Variants in TCP11L2 observed in about 807,000 individuals in gnomAD.
The protein encoded by TCP11L2 is t-complex 11 like 2.
TCP11L2 carries 39 observed loss-of-function variants against 50.7 expected under a neutral mutation model. The ratio of observed to expected loss-of-function variants is 0.77; its 90% confidence interval spans 0.60 to 1.01. The LOEUF (loss-of-function observed/expected upper bound fraction) is 1.01. Ranked by LOEUF, TCP11L2 falls within the 50% of genes least tolerant of loss-of-function variation. TCP11L2 has a pLI of 0.00. For missense variants in TCP11L2, 612 were observed against 614.7 expected (o/e 1.00, Z 0.05); for synonymous variants, 192 against 219.3 (o/e 0.88, Z 1.10).
chr12:106,306,571 A>G (rs1437712665), intron 1 of TCP11L2, among the ~76,000 whole-genome samples: 1 of 152,124 alleles, frequency 6.6e-6, no homozygotes, highest in Non-Finnish European at 1.5e-5. Context: ...AGGATCACCT[A>G]TTGCACTCAG....
Position 106,323,538 on chromosome 12 carries a change from C to A in TCP11L2, c.664C>A (p.Gln222Lys). ...AATATTCCATGTCCTGGACCTCATG[C>A]AAATGGACATGGCCAATTTTACAAT... ...RQIFHVLDLM[Q>K]MDMANFTIMS... The change falls in exon 6 of 10, where the codon CAA becomes AAA. Residue 222 changes from glutamine (Q) to lysine (K), a missense_variant. Physicochemically the swap from Gln to Lys is moderately conservative, Grantham distance 53. Coordinates refer to ENST00000299045, the MANE Select transcript of TCP11L2 (RefSeq NM_152772.3). 6.2e-7 allele frequency: 1 copy of A among 1,607,154 alleles called. No individual in the cohort carries two copies. Among genetic ancestry groups the A allele is most frequent in the South Asian group, 1.1e-5 (1 of 89,988 alleles).
chr12:106,329,540 G>A, intron 6 of TCP11L2: 1 of 1,440,186 alleles, frequency 6.9e-7, no homozygotes, highest in East Asian at 2.5e-5. Context: ...AAACACAGAG[G>A]CCTGAGCCCT....
Position 106,336,585 on chromosome 12 carries a change from G to A in TCP11L2, c.1142+372G>A, listed in dbSNP as rs984095860. 8.9e-5 allele frequency among the ~76,000 whole-genome samples: 11 copies of A among 123,472 alleles called. No homozygotes were observed. The East Asian group carries it at 1.2e-3, about 13-fold the overall frequency. 81.0% of individuals were successfully genotyped at this position (123,472 alleles called of 152,430 possible). ...TTTTTTTTTTTTGAGACAGAATCTC[G>A]CTCTGTCACCAGGCTGGAGTGCAGT... On this transcript the variant is annotated intron_variant, in intron 8 of 9. Transcript: ENST00000299045.
chr12:106,327,384 A>T (rs2035589239), intron 6 of TCP11L2, among the ~76,000 whole-genome samples: 1 of 151,946 alleles, frequency 6.6e-6, no homozygotes, highest in Non-Finnish European at 1.5e-5. Flanking sequence ...TTTTGTAGAG[A>T]CGGGGGTCTG....
chr12:106,335,373 G>A (rs766253850), intron 6 of TCP11L2, among the ~76,000 whole-genome samples: 3 of 152,298 alleles, frequency 2.0e-5, no homozygotes, highest in Non-Finnish European at 4.4e-5. Flanking sequence ...TGTGCCATAT[G>A]CTGTCTTTTC....
chr12:106,341,033 A>T (rs1212653834), intron 9 of TCP11L2, 35 bp downstream of exon 9: 2 of 1,568,016 alleles, frequency 1.3e-6, no homozygotes, highest in South Asian at 2.4e-5. Flanking sequence ...TTCAATTCCA[A>T]TTTGCTTTAA....
At position 106,311,046 on chromosome 12, in the gene TCP11L2, A is replaced by C. The variant is rs775402209; in HGVS notation, c.-30A>C. ...GGGTCTGTTTGTCTGTGCAGGTGCTACCTTTTTACCCACACTTAAGTGACG... is the reference window on the plus strand; with the variant it reads ...GGGTCTGTTTGTCTGTGCAGGTGCTCCCTTTTTACCCACACTTAAGTGACG... On this transcript the variant is annotated 5_prime_UTR_variant, in exon 2 of 10. Coordinates refer to ENST00000299045, the MANE Select transcript of TCP11L2 (RefSeq NM_152772.3). The C allele has an allele frequency of 6.2e-7, 1 of 1,611,524 alleles. No homozygotes were observed. Among genetic ancestry groups the C allele is most frequent in the Non-Finnish European group, 8.5e-7 (1 of 1,178,496 alleles).
At chr12:106,346,099 T>C (rs1235928517) in intron 9 of TCP11L2, among the ~76,000 whole-genome samples, 187 bp from the exon 10 acceptor site, 1 of 152,072 alleles carries the variant, frequency 6.6e-6, no homozygotes, top group African/African-American at 2.4e-5. Context: ...ATGGAAAGGA[T>C]GGGAAAAACA....
rs3782704 is a variant in TCP11L2, at chr12:106,346,719, A to G, written c.*189A>G. 41 of 587,708 alleles carry G rather than the reference A, an allele frequency of 7.0e-5. No homozygotes were observed. The East Asian group carries it at 1.0e-3, about 15-fold the overall frequency. The allele number at this position is 587,708 out of a possible 1,614,324, so 36.4% of individuals were successfully genotyped here. ...ACATAGACCCTCAGAAGACGTAAAC[A>G]TCACATAGACCCTATTTGTGCATCA... On this transcript the variant is annotated 3_prime_UTR_variant, in exon 10 of 10. Coordinates refer to ENST00000299045, the MANE Select transcript of TCP11L2 (RefSeq NM_152772.3).
At position 106,314,535 on chromosome 12, in the gene TCP11L2, CTG is replaced by C. The variant is rs55918458; in HGVS notation, c.293+83_293+84del. The C allele has an allele frequency of 9.0e-3, 6,357 of 705,504 alleles. 45 individuals are homozygous for C. Among genetic ancestry groups the C allele is most frequent in the East Asian group, 0.047 (999 of 21,466 alleles). 43.7% of individuals were successfully genotyped at this position (705,504 alleles called of 1,614,324 possible). On this transcript the variant is annotated intron_variant, in intron 3 of 9. Transcript: ENST00000299045. ...TGTTGTATATAAACTGCTGAAGATT[CTG>C]TGTGTGTGTGTGTGTGTGTGTGTGT...
At chr12:106,335,094 A>G (rs1291852212) in intron 6 of TCP11L2, among the ~76,000 whole-genome samples, 1 of 152,212 alleles carries the variant, frequency 6.6e-6, no homozygotes, top group Non-Finnish European at 1.5e-5. Context: ...TGGGAAAGGC[A>G]TATCTCCAAT....
chr12:106,310,763 A>T lies in TCP11L2; in HGVS notation c.-35-278A>T, dbSNP rs144909862. ...GAGAGCATGTGTCCTGCATCTTTTT[A>T]AAAAGGACCTGCCATTACTTAGAGC... On this transcript the variant is annotated intron_variant, in intron 1 of 9. Transcript: ENST00000299045. Among the ~76,000 whole-genome samples, 385 of 152,324 alleles carry T rather than the reference A, an allele frequency of 2.5e-3. 4 individuals are homozygous for T. Among genetic ancestry groups the T allele is most frequent in the African/African-American group, 8.8e-3 (364 of 41,568 alleles).
rs375924731 is a variant in TCP11L2 at position 106,323,692 on chromosome 12, G to T, written c.772+46G>T. ...ATTTATATTGAAATTAGGTTAAAAT[G>T]ATGATTTTAAATGTTAAAATTTAAA... On this transcript the variant is annotated intron_variant, in intron 6 of 9. Coordinates refer to ENST00000299045, the MANE Select transcript of TCP11L2 (RefSeq NM_152772.3). The T allele has an allele frequency of 8.6e-6, 9 of 1,052,188 alleles. No individual in the cohort carries two copies. The East Asian group carries it at 1.8e-4, about 21-fold the overall frequency. 65.2% of individuals were successfully genotyped at this position (1,052,188 alleles called of 1,614,324 possible). A position where few individuals can be genotyped will look rare whatever the true frequency, so the allele number is the denominator to read the frequency against.
intron 8 of TCP11L2, among the ~76,000 whole-genome samples, chr12:106,336,994 C>G (rs780599016): frequency 7.2e-5 from 11 of 152,174 alleles, no homozygotes; most frequent in Non-Finnish European, 1.3e-4. Flanking sequence ...AAATTTATCT[C>G]CAGTATTACA....
chr12:106,316,623 A>T (rs1049489233), intron 3 of TCP11L2, among the ~76,000 whole-genome samples: 1 of 152,172 alleles, frequency 6.6e-6, no homozygotes, highest in African/African-American at 2.4e-5. Context: ...CAGTGAAATC[A>T]GCACCCTCTC....
At chr12:106,314,074 T>C (rs1198968069) in intron 2 of TCP11L2, among the ~76,000 whole-genome samples, 1 of 152,166 alleles carries the variant, frequency 6.6e-6, no homozygotes, top group Non-Finnish European at 1.5e-5. Flanking sequence ...CCTGGTAATT[T>C]AATTTTTAAA....
intron 1 of TCP11L2, among the ~76,000 whole-genome samples, chr12:106,308,551 C>G (rs1266632430): frequency 6.6e-6 from 1 of 152,154 alleles, no homozygotes; most frequent in Non-Finnish European, 1.5e-5. Context: ...AGCCAGAGCT[C>G]ATTTGAGGGC....
intron 2 of TCP11L2, chr12:106,312,362 C>A: frequency 8.1e-7 from 1 of 1,230,896 alleles, no homozygotes. Context: ...ATTATTGGAC[C>A]AAAGTATATA....
upstream of TCP11L2, among the ~76,000 whole-genome samples, chr12:106,301,024 G>A (rs561578988): frequency 1.1e-4 from 16 of 152,308 alleles, no homozygotes; most frequent in South Asian, 3.3e-3. Flanking sequence ...CCAGAAGTTT[G>A]GGGGATTTGG....
Sources: allele counts gnomAD v4.1 joint callset (sites outside exome capture counted in the v4.1 genomes callset), GRCh38; gene constraint gnomAD v4.1.1; transcripts MANE v1.5; gene names NCBI Gene and HGNC (gene_info 2026-07-23, HGNC 2026-07-21).